Variants in PRICKLE2 observed in about 807,000 individuals in gnomAD.
The protein encoded by PRICKLE2 is prickle-like protein 2.
Under a neutral mutation model 81.4 loss-of-function variants are expected in PRICKLE2, and 21 were observed. The observed-to-expected ratio is 0.26, with a 90% CI of 0.18 to 0.37. The LOEUF is 0.37. PRICKLE2 is among the 10% of genes least tolerant of loss of function. PRICKLE2 has a pLI of 1.00. For synonymous variants in PRICKLE2, 456 were observed against 421.5 expected (o/e 1.08, Z -1.00); for missense variants, 940 against 1,109.0 (o/e 0.85, Z 2.16).
intron 2 of PRICKLE2, among the ~76,000 whole-genome samples, chr3:64,190,817 G>A (rs964884856): frequency 2.0e-5 from 3 of 152,152 alleles, no homozygotes; most frequent in African/African-American, 7.2e-5. Context: ...TTCTTTGTGG[G>A]AAGACTCCCT....
At chr3:64,203,813 CAA>C (rs68190740) in intron 1 of PRICKLE2, among the ~76,000 whole-genome samples, 1 of 140,266 alleles carries the variant, frequency 7.1e-6, no homozygotes, top group Non-Finnish European at 1.6e-5. Flanking sequence ...ACTAAAAATA[CAA>C]AAAAAAAAAA....
chr3:64,099,911 C>G lies in PRICKLE2; in HGVS notation c.1675G>C (p.Gly559Arg). ...AGGTGCTCCTGGCGCTTGGCACCAC[C>G]ATCAGCAGAGAGGCCTGGGGAAGAG... is the stretch of plus-strand genomic sequence containing the variant. Reference protein sequence around the residue: ...LSNATGLSADGGAKRQEHLSR... With the variant: ...LSNATGLSADRGAKRQEHLSR... Residue 559 changes from glycine (G) to arginine (R), a missense_variant, in exon 8 of 8, where the codon GGT (glycine) becomes CGT (arginine). Coordinates refer to ENST00000638394, the MANE Select transcript of PRICKLE2 (RefSeq NM_198859.4). The surrounding 1 kb of genome is among the most constrained non-coding windows in gnomAD (Gnocchi z 4.3). 6.2e-7 allele frequency: 1 copy of G among 1,614,168 alleles called. No homozygotes were observed. The highest frequency in any genetic ancestry group is 1.1e-5 in the South Asian group (1 of 91,072).
chr3:64,101,673 T>C lies in PRICKLE2; in HGVS notation c.1661-1748A>G, dbSNP rs1180934667. 2.0e-5 allele frequency: 3 copies of C among 152,214 alleles called. No individual in the cohort carries two copies. In the East Asian group the frequency reaches 5.8e-4, roughly 29 times the overall value. 9.4% of individuals were successfully genotyped at this position (152,214 alleles called of 1,614,324 possible). A position where few individuals can be genotyped will look rare whatever the true frequency, so the allele number is the denominator to read the frequency against. ...CAAACAGGGAAAAGAGAGGGCTCTA[T>C]GTATAGTGGAATGCCAACCGCTGTC... On this transcript the variant is annotated intron_variant, in intron 7 of 7. Coordinates refer to ENST00000638394, the MANE Select transcript of PRICKLE2 (RefSeq NM_198859.4).
At chr3:64,148,694 G>A (rs1469177124) in intron 6 of PRICKLE2, among the ~76,000 whole-genome samples, 1 of 152,292 alleles carries the variant, frequency 6.6e-6, no homozygotes, top group East Asian at 1.9e-4. Flanking sequence ...TCATGAATGA[G>A]ATTAGTGCCC....
intron 2 of PRICKLE2, among the ~76,000 whole-genome samples, chr3:64,244,311 A>G (rs1332050566): frequency 6.6e-6 from 1 of 152,226 alleles, no homozygotes; most frequent in East Asian, 1.9e-4. Context: ...CACCATCTTA[A>G]CATGCTCCAA....
chr3:64,147,847 T>A lies in PRICKLE2; in HGVS notation c.788-145A>T. Reference sequence around the variant, plus strand: ...ATAAATCAACAATCAGACCCTTATGTAAATGGTATTCACGTCCTATTACGA... The same window carrying A: ...ATAAATCAACAATCAGACCCTTATGAAAATGGTATTCACGTCCTATTACGA... On this transcript the variant is annotated intron_variant, in intron 6 of 7. Transcript: ENST00000638394. This position sits in a 1 kb window ranked among gnomAD's most constrained non-coding sequence, Gnocchi z 5.0. 1 of 853,370 alleles carries A rather than the reference T, an allele frequency of 1.2e-6. No individual in the cohort carries two copies. Among genetic ancestry groups the A allele is most frequent in the Non-Finnish European group, 1.9e-6 (1 of 522,824 alleles). The allele number at this position is 853,370 out of a possible 1,614,324, so 52.9% of individuals were successfully genotyped here.
upstream of PRICKLE2, among the ~76,000 whole-genome samples, chr3:64,228,432 ATATC>A (rs1395261307): frequency 6.6e-6 from 1 of 152,200 alleles, no homozygotes; most frequent in Non-Finnish European, 1.5e-5. Flanking sequence ...AGGAAGCTGG[ATATC>A]TATGCATCAC....
intron 7 of PRICKLE2, chr3:64,141,837 G>T: frequency 1.0e-6 from 1 of 985,282 alleles, no homozygotes; most frequent in Non-Finnish European, 1.2e-6. Context: ...AATAACATAA[G>T]TTACTGACCA....
At chr3:64,126,225 C>T (rs1397038097) in intron 7 of PRICKLE2, among the ~76,000 whole-genome samples, 1 of 152,140 alleles carries the variant, frequency 6.6e-6, no homozygotes, top group African/African-American at 2.4e-5. Context: ...CAGTCTGGGA[C>T]AAGAATTTTT....
intron 7 of PRICKLE2, among the ~76,000 whole-genome samples, chr3:64,121,887 G>T (rs571682541): frequency 2.6e-5 from 4 of 152,280 alleles, no homozygotes; most frequent in South Asian, 2.1e-4. Context: ...AAATACCAGT[G>T]AGATACTGAA....
intron 2 of PRICKLE2, among the ~76,000 whole-genome samples, chr3:64,183,796 C>T (rs1003432998): frequency 1.3e-5 from 2 of 152,152 alleles, no homozygotes; most frequent in African/African-American, 4.8e-5. Context: ...TGGTCAAGGC[C>T]ACTTGATCAC....
At chr3:64,196,629 C>A (rs1369536430) in intron 2 of PRICKLE2, among the ~76,000 whole-genome samples, 2 of 152,240 alleles carry the variant, frequency 1.3e-5, no homozygotes, top group African/African-American at 2.4e-5. Flanking sequence ...TGTTAATAAC[C>A]CAACAGAGAA....
Position 64,147,893 on chromosome 3 carries a change from A to G in PRICKLE2, c.788-191T>C, listed in dbSNP as rs2077484464. Among the ~76,000 whole-genome samples the G allele has an allele frequency of 6.6e-6, 1 of 152,182 alleles. No homozygotes were observed. The highest frequency in any genetic ancestry group is 2.1e-4 in the South Asian group (1 of 4,828). On this transcript the variant is annotated intron_variant, in intron 6 of 7. Transcript: ENST00000638394. This position sits in a 1 kb window ranked among gnomAD's most constrained non-coding sequence, Gnocchi z 5.0. ...TACGAGAAGTCCTTGTTGTACCAGT[A>G]TGCGCCTTAACTCATTTGCTCCAAG...
intron 3 of PRICKLE2, among the ~76,000 whole-genome samples, chr3:64,162,223 T>A (rs1157744536): frequency 6.6e-6 from 1 of 152,108 alleles, no homozygotes; most frequent in Non-Finnish European, 1.5e-5. Flanking sequence ...AAAAATTACA[T>A]TTTTGTTTTA....
chr3:64,135,250 T>C (rs936916811), intron 7 of PRICKLE2, among the ~76,000 whole-genome samples: 6 of 152,202 alleles, frequency 3.9e-5, no homozygotes, highest in Non-Finnish European at 5.9e-5. Flanking sequence ...GTACAGTCTC[T>C]ACTCTGCTGG....
At chr3:64,160,816 T>G (rs1260107061) in intron 3 of PRICKLE2, among the ~76,000 whole-genome samples, 1 of 152,254 alleles carries the variant, frequency 6.6e-6, no homozygotes, top group African/African-American at 2.4e-5. Context: ...CCTTGGGAAT[T>G]GTGCTATATT....
At chr3:64,175,749 A>T (rs1374915207) in intron 2 of PRICKLE2, among the ~76,000 whole-genome samples, 3 of 152,224 alleles carry the variant, frequency 2.0e-5, no homozygotes, top group African/African-American at 7.2e-5. Context: ...TCAATATAAA[A>T]TGTAATAAAA....
chr3:64,244,099 T>C (rs1280930281), intron 2 of PRICKLE2, among the ~76,000 whole-genome samples: 2 of 152,128 alleles, frequency 1.3e-5, no homozygotes, highest in Admixed American at 1.3e-4. Flanking sequence ...TGAATAGAAA[T>C]GTTAACTTGC....
At chr3:64,214,642 C>A (rs1474063293) in intron 1 of PRICKLE2, among the ~76,000 whole-genome samples, 1 of 152,104 alleles carries the variant, frequency 6.6e-6, no homozygotes, top group Admixed American at 6.5e-5. Context: ...AATATCATTT[C>A]CTGGTTTCAT....
Sources: allele counts gnomAD v4.1 joint callset (sites outside exome capture counted in the v4.1 genomes callset), GRCh38; gene constraint gnomAD v4.1.1; non-coding constraint Gnocchi (gnomAD v3.1); transcripts MANE v1.5; gene names NCBI Gene and HGNC (gene_info 2026-07-23, HGNC 2026-07-21).